The following CTNND2 variants were observed in gnomAD, a reference collection of about 807,000 sequenced individuals.
CTNND2 encodes catenin delta-2.
A neutral mutation model predicts 144.4 loss-of-function variants in CTNND2; 22 were observed. The ratio of observed to expected loss-of-function variants is 0.15; its 90% CI spans 0.11 to 0.22. The LOEUF (loss-of-function observed/expected upper bound fraction) is 0.22, where lower values mean the gene tolerates loss of function less well. Among genes scored for constraint, CTNND2 ranks in the 10% least tolerant of loss-of-function variants. The pLI is 1.00. For missense variants in CTNND2, 1,353 were observed against 1,618.8 expected, an observed-to-expected ratio of 0.84 and a Z score of 2.82; for synonymous variants, 751 against 695.6, an observed-to-expected ratio of 1.08 and a Z score of -1.25.
chr5:11,690,742 C>CAAAA lies in CTNND2; in HGVS notation c.174+41390_174+41393dup, dbSNP rs58799389. Among the ~76,000 whole-genome samples the CAAAA allele has an allele frequency of 4.7e-3, 173 of 36,558 alleles. 10 individuals carry two copies. The highest frequency in any genetic ancestry group is 0.015 in the East Asian group (9 of 618). 24.0% of individuals were successfully genotyped at this position (36,558 alleles called of 152,430 possible). Reference sequence around the variant, plus strand: ...TGGGCGACAGAGCGAGACTCCGTCTCAAAAAAAAAAAAAAAAAAAAAAAAA... The same window carrying CAAAA: ...TGGGCGACAGAGCGAGACTCCGTCTCAAAAAAAAAAAAAAAAAAAAAAAAAAAAA... On this transcript the variant is annotated intron_variant, in intron 2 of 21. Coordinates refer to ENST00000304623, the MANE Select transcript of CTNND2 (RefSeq NM_001332.4).
At chr5:11,801,140 C>T (rs932551901) in intron 1 of CTNND2, among the ~76,000 whole-genome samples, 5 of 152,146 alleles carry the variant, frequency 3.3e-5, no homozygotes, top group African/African-American at 1.2e-4. Context: ...ACTCTTTTGT[C>T]GTTGTTGTTC....
At chr5:11,328,325 T>C (rs1752743926) in intron 9 of CTNND2, among the ~76,000 whole-genome samples, 1 of 151,414 alleles carries the variant, frequency 6.6e-6, no homozygotes, top group Non-Finnish European at 1.5e-5. Context: ...CAGTATCTCA[T>C]TCTGTTGCCC....
intron 3 of CTNND2, among the ~76,000 whole-genome samples, chr5:11,474,181 A>G (rs1767498636): frequency 6.6e-6 from 1 of 152,254 alleles, no homozygotes; most frequent in African/African-American, 2.4e-5. Context: ...CAAAAAGAAT[A>G]CAATATGATT....
intron 1 of CTNND2, among the ~76,000 whole-genome samples, chr5:11,781,214 C>T (rs1790526492): frequency 9.7e-6 from 1 of 102,760 alleles, no homozygotes; most frequent in African/African-American, 3.0e-5. Flanking sequence ...ATCCAACTGA[C>T]AGAGGAGGGA....
chr5:11,204,649 TGA>T, intron 10 of CTNND2, among the ~76,000 whole-genome samples: 1 of 152,314 alleles, frequency 6.6e-6, no homozygotes, highest in Non-Finnish European at 1.5e-5. Context: ...ATCATTAAAC[TGA>T]TATCAACATC....
chr5:11,136,035 G>A (rs1756112812), intron 12 of CTNND2, among the ~76,000 whole-genome samples: 2 of 152,214 alleles, frequency 1.3e-5, no homozygotes, highest in African/African-American at 4.8e-5. Context: ...AATAGGATGA[G>A]TGGCCTTATA....
At chr5:11,217,980 T>C (rs987231288) in intron 10 of CTNND2, among the ~76,000 whole-genome samples, 2 of 151,954 alleles carry the variant, frequency 1.3e-5, no homozygotes, top group South Asian at 4.2e-4. Flanking sequence ...CCTTAAAAAA[T>C]AAATCCCTCC....
intron 12 of CTNND2, among the ~76,000 whole-genome samples, chr5:11,158,367 T>C (rs928157699): frequency 1.1e-4 from 17 of 152,224 alleles, no homozygotes; most frequent in African/African-American, 4.1e-4. Flanking sequence ...TAAGGGGTTA[T>C]GAAATGGATG....
At chr5:11,690,609 G>A (rs972061099) in intron 2 of CTNND2, among the ~76,000 whole-genome samples, 5 of 151,432 alleles carry the variant, frequency 3.3e-5, no homozygotes, top group African/African-American at 7.3e-5. Context: ...GGTGGCGGGC[G>A]CCTGTAGTCC....
intron 3 of CTNND2, among the ~76,000 whole-genome samples, chr5:11,452,406 C>T (rs938230210): frequency 2.0e-5 from 3 of 151,976 alleles, no homozygotes; most frequent in African/African-American, 4.8e-5. Context: ...TTAAAAGTAT[C>T]GAAAAAATAA....
At chr5:11,785,210 A>C (rs1426350697) in intron 1 of CTNND2, among the ~76,000 whole-genome samples, 2 of 152,232 alleles carry the variant, frequency 1.3e-5, no homozygotes, top group Non-Finnish European at 2.9e-5. Flanking sequence ...TAATTAATGT[A>C]TCCCAACATT....
At chr5:11,794,524 C>T (rs1791301071) in intron 1 of CTNND2, among the ~76,000 whole-genome samples, 2 of 152,144 alleles carry the variant, frequency 1.3e-5, no homozygotes, top group Admixed American at 1.3e-4. Flanking sequence ...CTTTGATTTG[C>T]TTTGTCATCT....
intron 2 of CTNND2, among the ~76,000 whole-genome samples, chr5:11,624,745 A>T (rs1311627990): frequency 6.6e-6 from 1 of 152,138 alleles, no homozygotes; most frequent in Non-Finnish European, 1.5e-5. Flanking sequence ...AAGGAAAATT[A>T]ACAGTTGGAA....
At chr5:11,413,312 A>G (rs149554410) in intron 3 of CTNND2, among the ~76,000 whole-genome samples, 23 of 152,338 alleles carry the variant, frequency 1.5e-4, no homozygotes, top group African/African-American at 5.3e-4. Flanking sequence ...AAAAATTATA[A>G]AAACCTTTTA....
chr5:11,531,447 A>G (rs1461881241), intron 3 of CTNND2, among the ~76,000 whole-genome samples: 1 of 152,036 alleles, frequency 6.6e-6, no homozygotes, highest in Non-Finnish European at 1.5e-5. Flanking sequence ...CCAACATGGT[A>G]AAACCCCATC....
At chr5:11,476,254 C>T (rs183290628) in intron 3 of CTNND2, among the ~76,000 whole-genome samples, 22 of 152,166 alleles carry the variant, frequency 1.4e-4, no homozygotes, top group South Asian at 8.3e-4. Context: ...TCAGAACCTC[C>T]GAGTGTCTTT....
intron 16 of CTNND2, among the ~76,000 whole-genome samples, chr5:11,069,026 A>G (rs1394281698): frequency 6.6e-6 from 1 of 152,274 alleles, no homozygotes; most frequent in East Asian, 1.9e-4. Context: ...CCGTGTTCCC[A>G]CAGAGCTCAT....
chr5:11,881,055 CACT>C lies in CTNND2; in HGVS notation c.37+22759_37+22761del, dbSNP rs773853671. ...CTGCTACTAGTACTACTACTACTAC[CACT>C]ACTACTACTACTATTATCATTATTA... On this transcript the variant is annotated intron_variant, in intron 1 of 21. Transcript: ENST00000304623. Among the ~76,000 whole-genome samples the C allele has an allele frequency of 1.1e-4, 16 of 148,250 alleles. No individual in the cohort carries two copies. The East Asian group carries it at 2.0e-3, about 18-fold the overall frequency.
chr5:11,451,690 A>G (rs1323695036), intron 3 of CTNND2, among the ~76,000 whole-genome samples: 1 of 152,226 alleles, frequency 6.6e-6, no homozygotes, highest in African/African-American at 2.4e-5. Flanking sequence ...AATTCTAATG[A>G]CACATTATTT....
Sources: allele counts gnomAD v4.1 joint callset (sites outside exome capture counted in the v4.1 genomes callset), GRCh38; gene constraint gnomAD v4.1.1; transcripts MANE v1.5; gene names NCBI Gene and HGNC (gene_info 2026-07-23, HGNC 2026-07-21).